Variants in STARD3 observed in about 807,000 individuals in gnomAD.
STARD3 encodes StAR related lipid transfer domain containing 3, also known as stAR-related lipid transfer protein 3.
Under a neutral mutation model 62.0 loss-of-function variants are expected in STARD3, and 39 were observed. That is an observed-to-expected ratio of 0.63 (90% CI 0.49 to 0.82). STARD3 has a LOEUF of 0.82. Among genes scored for constraint, STARD3 ranks in the 40% least tolerant of loss-of-function variants. STARD3 has a pLI of 0.00. For missense variants in STARD3, 543 were observed against 584.5 expected, an observed-to-expected ratio of 0.93 and a Z score of 0.73; for synonymous variants, 229 against 242.4, an observed-to-expected ratio of 0.94 and a Z score of 0.51.
chr17:39,658,261 G>A (rs1316004276), intron 5 of STARD3, 144 bp from the exon 6 acceptor site: 2 of 853,426 alleles, frequency 2.3e-6, no homozygotes, highest in African/African-American at 3.4e-5. Flanking sequence ...AGTTTATCCT[G>A]CTGCAGACTT....
chr17:39,659,375 T>G, intron 8 of STARD3, 86 bp from the exon 9 acceptor site: 1 of 1,330,910 alleles, frequency 7.5e-7, no homozygotes, highest in Non-Finnish European at 1.1e-6. Context: ...GGGAAGCATG[T>G]GGTATGTCTA....
rs531627217 is a variant in STARD3, at chr17:39,647,445, C to G, written c.-51-6036C>G. On this transcript the variant is annotated intron_variant, in intron 1 of 14. Coordinates refer to ENST00000336308, the MANE Select transcript of STARD3 (RefSeq NM_006804.4). ...TGCTGCTCCCAGGGGGCTGGGCTGT[C>G]TCTGAATTGTCCATTCCTGCCTCCC... Among the ~76,000 whole-genome samples, 109 of 152,258 alleles carry G rather than the reference C, an allele frequency of 7.2e-4. 1 individual carries two copies. The highest frequency in any genetic ancestry group is 2.5e-3 in the African/African-American group (104 of 41,564).
Position 39,658,760 on chromosome 17 carries a change from C to G in STARD3, c.586C>G (p.Leu196Val). ...AAQVAVARGPLLFSGALSEGQ... is the reference protein window; with the variant it reads ...AAQVAVARGPVLFSGALSEGQ... Reference sequence around the variant, plus strand: ...CCAGGTTGCTGTTGCCCGTGGACCCCTGCTGTTCTCCGGTGCTCTGTCCGA... The same window carrying G: ...CCAGGTTGCTGTTGCCCGTGGACCCGTGCTGTTCTCCGGTGCTCTGTCCGA... The change falls in exon 7 of 15, where the codon CTG becomes GTG. Residue 196 changes from leucine to valine, a missense_variant. Transcript: ENST00000336308. 1 of 1,614,062 alleles carries G rather than the reference C, an allele frequency of 6.2e-7. No individual in the cohort carries two copies. The highest frequency in any genetic ancestry group is 8.5e-7 in the Non-Finnish European group (1 of 1,179,992).
In STARD3 at chr17:39,657,967, G is replaced by A; in HGVS notation, c.376-6G>A. Reference sequence around the variant, plus strand: ...CTTCCCCTTCCTCCCTCCCTCCCCTGGGCAGGTCACGACGCTGGTGTCCAG... The same window carrying A: ...CTTCCCCTTCCTCCCTCCCTCCCCTAGGCAGGTCACGACGCTGGTGTCCAG... On this transcript the variant is annotated splice_polypyrimidine_tract_variant and splice_region_variant and intron_variant, in intron 4 of 14. Transcript: ENST00000336308. 6.3e-7 allele frequency: 1 copy of A among 1,595,476 alleles called. No individual in the cohort carries two copies. The highest frequency in any genetic ancestry group is 8.5e-7 in the Non-Finnish European group (1 of 1,170,770).
chr17:39,640,756 G>A (rs965844285), intron 1 of STARD3, among the ~76,000 whole-genome samples: 1 of 152,206 alleles, frequency 6.6e-6, no homozygotes, highest in African/African-American at 2.4e-5. Flanking sequence ...GGGAAGGGAG[G>A]GCAAGTAGAT....
At chr17:39,638,580 G>A (rs1387099801) in intron 1 of STARD3, among the ~76,000 whole-genome samples, 2 of 152,158 alleles carry the variant, frequency 1.3e-5, no homozygotes, top group Non-Finnish European at 2.9e-5. Flanking sequence ...CGCAGGCAGC[G>A]CTGCCTCCGC....
intron 14 of STARD3, 64 bp from the exon 15 acceptor site, chr17:39,662,740 G>T (rs1194646812): frequency 1.4e-6 from 2 of 1,467,180 alleles, no homozygotes; most frequent in Non-Finnish European, 1.9e-6. Context: ...GCTGGTGCCA[G>T]CTGCAAGGGG....
In STARD3 at chr17:39,653,656, AGCGAAGG is replaced by A. The variant is rs761186731; in HGVS notation, c.128_134del (p.Arg43ProfsTer28). 1 of 1,614,116 alleles carries A rather than the reference AGCGAAGG, an allele frequency of 6.2e-7. No homozygotes were observed. Among genetic ancestry groups the A allele is most frequent in the Non-Finnish European group, 8.5e-7 (1 of 1,180,022 alleles). On this transcript the variant is annotated frameshift_variant, in exon 2 of 15. Coordinates refer to ENST00000336308, the MANE Select transcript of STARD3 (RefSeq NM_006804.4). LOFTEE classifies it high-confidence loss of function. ...TCGCACCTCCTTCCGCCGCCTGAGA[AGCGAAGG>A]GCCATCTCTGATGTCCGCCGCACCT... is the stretch of plus-strand genomic sequence containing the variant.
At position 39,662,303 on chromosome 17, in the gene STARD3, C is replaced by G; in HGVS notation, c.1192C>G (p.Arg398Gly). ...FIVLKSASNP[R>G]VCTFVWILNT... ...CGTGCTCAAGTCGGCCAGTAACCCC[C>G]GTGTTTGCACCTTTGTCTGGATTCT... The change falls in exon 14 of 15, where the codon CGT becomes GGT. Residue 398 changes from arginine (R) to glycine (G), a missense_variant. Transcript: ENST00000336308. The G allele has an allele frequency of 1.9e-6, 3 of 1,614,002 alleles. No homozygotes were observed. The highest frequency in any genetic ancestry group is 1.3e-5 in the African/African-American group (1 of 74,994).
intron 8 of STARD3, 141 bp downstream of exon 8, chr17:39,659,247 C>T: frequency 8.5e-7 from 1 of 1,170,358 alleles, no homozygotes; most frequent in Non-Finnish European, 1.2e-6. Context: ...TCTCCCCCAC[C>T]ACCAGTCCGG....
At chr17:39,643,137 G>C (rs2056995684) in intron 1 of STARD3, among the ~76,000 whole-genome samples, 1 of 152,116 alleles carries the variant, frequency 6.6e-6, no homozygotes, top group African/African-American at 2.4e-5. Context: ...TGGACAGGGT[G>C]ACATAGTGGT....
rs764610064 is a variant in STARD3, at chr17:39,657,772, C to T, written c.298-3C>T. ...TGACTGCCTTGCTCCCGTCCCCCACCAGGTCCTGGCCTTCTTCCGCTTCTC... is the reference window on the plus strand; with the variant it reads ...TGACTGCCTTGCTCCCGTCCCCCACTAGGTCCTGGCCTTCTTCCGCTTCTC... On this transcript the variant is annotated splice_region_variant and splice_polypyrimidine_tract_variant and intron_variant, in intron 3 of 14. Transcript: ENST00000336308. The T allele has an allele frequency of 6.2e-7, 1 of 1,614,142 alleles. No homozygotes were observed. Among genetic ancestry groups the T allele is most frequent in the Non-Finnish European group, 8.5e-7 (1 of 1,179,992 alleles).
rs916324580 is a variant in STARD3 at position 39,662,191 on chromosome 17, G to A, written c.1140-60G>A. ...ATGGAGTGTGAGTGGTAGGGGCTGC[G>A]GGGGGGTGTCAGGGCCTCACTCTGT... is the stretch of plus-strand genomic sequence containing the variant. On this transcript the variant is annotated intron_variant, in intron 13 of 14. Transcript: ENST00000336308. The A allele has an allele frequency of 1.6e-5, 24 of 1,454,604 alleles. No homozygotes were observed. The Admixed American group carries it at 2.6e-4, about 16-fold the overall frequency. 90.1% of individuals were successfully genotyped at this position (1,454,604 alleles called of 1,614,324 possible). A position where few individuals can be genotyped will look rare whatever the true frequency, so the allele number is the denominator to read the frequency against.
chr17:39,660,374 G>C lies in STARD3; in HGVS notation c.859-57G>C. On this transcript the variant is annotated intron_variant, in intron 10 of 14. Transcript: ENST00000336308. This position sits in a 1 kb window ranked among gnomAD's most constrained non-coding sequence, Gnocchi z 4.8. ...GTGGGTGCCCCCCACCAAGAGGGAAGGGTTGGTCTGCCCGAGCCCATCTGG... is the reference window on the plus strand; with the variant it reads ...GTGGGTGCCCCCCACCAAGAGGGAACGGTTGGTCTGCCCGAGCCCATCTGG... The C allele has an allele frequency of 6.2e-7, 1 of 1,611,338 alleles. No individual in the cohort carries two copies. The highest frequency in any genetic ancestry group is 8.5e-7 in the Non-Finnish European group (1 of 1,178,150).
chr17:39,642,739 C>T (rs1167611963), intron 1 of STARD3, among the ~76,000 whole-genome samples: 1 of 152,014 alleles, frequency 6.6e-6, no homozygotes, highest in Non-Finnish European at 1.5e-5. Flanking sequence ...AGGGTGGGGG[C>T]TAAATAGAGG....
chr17:39,650,969 C>T (rs1375143789), intron 1 of STARD3, among the ~76,000 whole-genome samples: 2 of 152,178 alleles, frequency 1.3e-5, no homozygotes, highest in Admixed American at 6.5e-5. Flanking sequence ...CCTGGAGCTG[C>T]GGCCTGTCAC....
chr17:39,644,722 T>G (rs1002474752), intron 1 of STARD3, among the ~76,000 whole-genome samples: 3 of 149,940 alleles, frequency 2.0e-5, no homozygotes, highest in Non-Finnish European at 4.4e-5. Context: ...TAGCCTGGCA[T>G]GGTGGCATCT....
chr17:39,642,075 A>G (rs1219839152), intron 1 of STARD3, among the ~76,000 whole-genome samples: 2 of 152,348 alleles, frequency 1.3e-5, no homozygotes, highest in East Asian at 3.9e-4. Flanking sequence ...GTTCTCCCCA[A>G]AGGAAGGAGG....
Position 39,662,987 on chromosome 17 carries a change from C to T in STARD3, c.*79C>T. 1.4e-6 allele frequency: 2 copies of T among 1,395,420 alleles called. No homozygotes were observed. Among genetic ancestry groups the T allele is most frequent in the Non-Finnish European group, 2.0e-6 (2 of 1,019,798 alleles). 86.4% of individuals were successfully genotyped at this position (1,395,420 alleles called of 1,614,324 possible). On this transcript the variant is annotated 3_prime_UTR_variant, in exon 15 of 15. Coordinates refer to ENST00000336308, the MANE Select transcript of STARD3 (RefSeq NM_006804.4). ...CCAGAAAGGGTGCCAGTTGGGCTCG[C>T]ACTGCCCACATGGGACCTGGCCCCA...
Sources: allele counts gnomAD v4.1 joint callset (sites outside exome capture counted in the v4.1 genomes callset), GRCh38; gene constraint gnomAD v4.1.1; non-coding constraint Gnocchi (gnomAD v3.1); transcripts MANE v1.5; gene names NCBI Gene and HGNC (gene_info 2026-07-23, HGNC 2026-07-21).